The following CRPPA variants were observed in gnomAD, a reference collection of about 807,000 sequenced individuals.
CRPPA encodes the protein D-ribitol-5-phosphate cytidylyltransferase.
Under a neutral mutation model 52.0 loss-of-function variants are expected in CRPPA, and 43 were observed. That is an observed-to-expected ratio of 0.83 (90% CI 0.65 to 1.07). CRPPA has a LOEUF of 1.07. Ranked by LOEUF, CRPPA falls within the 50% of genes least tolerant of loss-of-function variation. CRPPA has a pLI of 0.00. For missense variants in CRPPA, 629 were observed against 551.7 expected, an observed-to-expected ratio of 1.14 and a Z score of -1.40; for synonymous variants, 250 against 203.5, an observed-to-expected ratio of 1.23 and a Z score of -1.94.
At chr7:16,172,407 CGT>C in intron 9 of CRPPA, among the ~76,000 whole-genome samples, 1 of 152,084 alleles carries the variant, frequency 6.6e-6, no homozygotes, top group Admixed American at 6.5e-5. Flanking sequence ...GCAGAGGGCC[CGT>C]GTGTCCTGCA....
At chr7:16,247,101 C>A (rs898554791) in intron 8 of CRPPA, among the ~76,000 whole-genome samples, 1 of 152,220 alleles carries the variant, frequency 6.6e-6, no homozygotes, top group African/African-American at 2.4e-5. Context: ...GATAACTTAG[C>A]GCAGCCTCAA....
At position 16,098,558 on chromosome 7, in the gene CRPPA, C is replaced by T. The variant is rs527701450; in HGVS notation, c.1252-6759G>A. Among the ~76,000 whole-genome samples, 3 of 152,196 alleles carry T rather than the reference C, an allele frequency of 2.0e-5. No homozygotes were observed. The South Asian group carries it at 6.2e-4, about 32-fold the overall frequency. The stretch of plus-strand genomic sequence containing the variant: ...ATGTCACAAAATTTCAAACACTAAA[C>T]AAAAATGTACTAGCTATATTTACAT... On this transcript the variant is annotated intron_variant, in intron 9 of 9. Coordinates refer to ENST00000407010, the MANE Select transcript of CRPPA (RefSeq NM_001101426.4).
chr7:16,373,210 C>A (rs1227179087), intron 3 of CRPPA, among the ~76,000 whole-genome samples: 1 of 151,924 alleles, frequency 6.6e-6, no homozygotes, highest in Non-Finnish European at 1.5e-5. Context: ...GCAGGAGAAT[C>A]GCTTGAACCC....
intron 2 of CRPPA, among the ~76,000 whole-genome samples, chr7:16,396,855 G>A (rs1488496603): frequency 6.6e-6 from 1 of 152,262 alleles, no homozygotes; most frequent in African/African-American, 2.4e-5. Context: ...ACACGTAATG[G>A]AAGATGACAC....
At chr7:16,326,333 C>T (rs1785387871) in intron 3 of CRPPA, among the ~76,000 whole-genome samples, 1 of 152,154 alleles carries the variant, frequency 6.6e-6, no homozygotes. Context: ...TGCTGATTAG[C>T]TTTCACTGTG....
At chr7:16,340,348 G>T (rs1159449731) in intron 3 of CRPPA, among the ~76,000 whole-genome samples, 2 of 151,744 alleles carry the variant, frequency 1.3e-5, no homozygotes, top group Non-Finnish European at 2.9e-5. Context: ...AAAGATATGT[G>T]GTAAAAGACT....
intron 5 of CRPPA, among the ~76,000 whole-genome samples, chr7:16,281,643 A>C (rs1394434609): frequency 6.6e-6 from 1 of 152,046 alleles, no homozygotes; most frequent in Non-Finnish European, 1.5e-5. Flanking sequence ...TGTTTTTCCT[A>C]CTCTCTAGAA....
chr7:16,208,087 G>C (rs1049898809), intron 9 of CRPPA, among the ~76,000 whole-genome samples: 3 of 151,962 alleles, frequency 2.0e-5, no homozygotes, highest in South Asian at 2.1e-4. Flanking sequence ...CTATTTTCTA[G>C]CAATTATTTT....
intron 5 of CRPPA, among the ~76,000 whole-genome samples, chr7:16,286,824 T>C (rs562383646): frequency 5.0e-4 from 76 of 152,282 alleles, no homozygotes; most frequent in Middle Eastern, 6.8e-3. Flanking sequence ...TAGAAATCAC[T>C]GCAGTATTGA....
chr7:16,236,287 T>C (rs2128404624), intron 8 of CRPPA, among the ~76,000 whole-genome samples: 1 of 152,268 alleles, frequency 6.6e-6, no homozygotes, highest in Middle Eastern at 3.4e-3. Flanking sequence ...CCTGTCCTAC[T>C]GTTCCCAAAT....
intron 9 of CRPPA, among the ~76,000 whole-genome samples, chr7:16,214,746 A>T (rs1782258552): frequency 6.6e-6 from 1 of 152,164 alleles, no homozygotes; most frequent in Non-Finnish European, 1.5e-5. Context: ...ACCTCAAGTG[A>T]TCCGCCCGCC....
chr7:16,208,978 T>C, intron 9 of CRPPA: 1 of 419,048 alleles, frequency 2.4e-6, no homozygotes, highest in South Asian at 1.9e-5. Flanking sequence ...CCAAATTTTC[T>C]GTGAGAAGTG....
chr7:16,161,635 C>T (rs995974430), intron 9 of CRPPA, among the ~76,000 whole-genome samples: 2 of 151,952 alleles, frequency 1.3e-5, no homozygotes, highest in African/African-American at 4.8e-5. Flanking sequence ...GGATATTGGC[C>T]TGAAATTTTG....
At chr7:16,328,965 C>A (rs752635649) in intron 3 of CRPPA, among the ~76,000 whole-genome samples, 2 of 152,128 alleles carry the variant, frequency 1.3e-5, no homozygotes, top group African/African-American at 2.4e-5. Context: ...TTGAAAATTG[C>A]TTTCTTGACT....
At chr7:16,231,791 T>C (rs1782804201) in intron 8 of CRPPA, among the ~76,000 whole-genome samples, 4 of 152,188 alleles carry the variant, frequency 2.6e-5, no homozygotes, top group Admixed American at 2.6e-4. Flanking sequence ...AACCAACTTT[T>C]AAAAAGCAAA....
chr7:16,178,321 T>A (rs1052696270), intron 9 of CRPPA, among the ~76,000 whole-genome samples: 2 of 152,034 alleles, frequency 1.3e-5, no homozygotes, highest in Non-Finnish European at 2.9e-5. Context: ...TTGGTAAAAG[T>A]GAGTTATTAG....
intron 8 of CRPPA, among the ~76,000 whole-genome samples, chr7:16,253,859 G>A (rs188394836): frequency 3.0e-4 from 46 of 151,902 alleles, no homozygotes; most frequent in African/African-American, 1.1e-3. Context: ...GCTAATATCC[G>A]GACTCTACCA....
chr7:16,208,774 T>C (rs777381974), intron 9 of CRPPA, among the ~76,000 whole-genome samples: 9 of 152,224 alleles, frequency 5.9e-5, no homozygotes, highest in Non-Finnish European at 1.2e-4. Context: ...TCTCCAGGTA[T>C]ATGAATTCCT....
chr7:16,189,962 C>T (rs923023311), intron 9 of CRPPA, among the ~76,000 whole-genome samples: 2 of 152,090 alleles, frequency 1.3e-5, no homozygotes, highest in Non-Finnish European at 2.9e-5. Flanking sequence ...TTTATCTCAG[C>T]TCTAAAAAAT....
Sources: allele counts gnomAD v4.1 joint callset (sites outside exome capture counted in the v4.1 genomes callset), GRCh38; gene constraint gnomAD v4.1.1; transcripts MANE v1.5; gene names NCBI Gene and HGNC (gene_info 2026-07-23, HGNC 2026-07-21).